TRANK1: variants seen among roughly 807,000 people sequenced by gnomAD.
TRANK1 encodes the protein TPR and ankyrin repeat-containing protein 1.
In TRANK1, 198 loss-of-function variants were observed where a neutral mutation model predicts 266.0. The observed-to-expected ratio is 0.74, with a 90% CI of 0.66 to 0.84. TRANK1 has a LOEUF of 0.84. Ranked by LOEUF, TRANK1 falls within the 40% of genes least tolerant of loss-of-function variation. The pLI is 0.00. For missense variants in TRANK1, 3,326 were observed against 3,634.6 expected (o/e 0.92, Z 2.18); for synonymous variants, 1,396 against 1,384.1 (o/e 1.01, Z -0.19).
intron 10 of TRANK1, among the ~76,000 whole-genome samples, chr3:36,862,258 A>T (rs2079152774): frequency 6.6e-6 from 1 of 152,206 alleles, no homozygotes; most frequent in South Asian, 2.1e-4. Flanking sequence ...GGAAGAGCAG[A>T]AGGGGAGAAA....
At chr3:36,922,625 A>G (rs770104565) in intron 1 of TRANK1, among the ~76,000 whole-genome samples, 22 of 151,724 alleles carry the variant, frequency 1.5e-4, no homozygotes, top group Non-Finnish European at 2.4e-4. Context: ...AATACAAAAA[A>G]CATAGCTGGG....
At chr3:36,828,889 T>C (rs1392238317) in intron 23 of TRANK1, among the ~76,000 whole-genome samples, 1 of 152,220 alleles carries the variant, frequency 6.6e-6, no homozygotes, top group African/African-American at 2.4e-5. Flanking sequence ...GCCAAGTCCC[T>C]TCAAGTTTTC....
At chr3:36,860,376 A>T (rs1306440250) in intron 11 of TRANK1, among the ~76,000 whole-genome samples, 1 of 152,168 alleles carries the variant, frequency 6.6e-6, no homozygotes, top group East Asian at 1.9e-4. Context: ...ATTCAGCAAG[A>T]TGTCTGCACA....
chr3:36,852,043 G>A, intron 14 of TRANK1, 103 bp downstream of exon 14: 1 of 1,382,864 alleles, frequency 7.2e-7, no homozygotes, highest in South Asian at 1.5e-5. Context: ...CTGTGGGACA[G>A]GGACTATTTT....
At chr3:36,923,003 C>G (rs1008511064) in intron 1 of TRANK1, among the ~76,000 whole-genome samples, 9 of 152,158 alleles carry the variant, frequency 5.9e-5, no homozygotes, top group African/African-American at 2.2e-4. Flanking sequence ...TGCTCCTGTG[C>G]AAATAACTTA....
At chr3:36,880,513 T>C (rs4340652) in intron 8 of TRANK1, 1 of 174,930 alleles carries the variant, frequency 5.7e-6, no homozygotes, top group Non-Finnish European at 1.2e-5. Context: ...CTCTGGAGAA[T>C]CTAAATTTTC....
At chr3:36,860,576 G>A (rs1267492871) in intron 11 of TRANK1, among the ~76,000 whole-genome samples, 1 of 152,208 alleles carries the variant, frequency 6.6e-6, no homozygotes, top group Non-Finnish European at 1.5e-5. Context: ...CTAGCCAGAG[G>A]TCAGGAGGAA....
At position 36,893,541 on chromosome 3, in the gene TRANK1, G is replaced by A. The variant is rs1215277435; in HGVS notation, c.553-557C>T. ...TAGCTGGAAATTGGCCATGGTGAGA[G>A]TATTTATACTACCAAAGTTAGCAAA... On this transcript the variant is annotated intron_variant, in intron 5 of 23. Coordinates refer to ENST00000645898, the MANE Select transcript of TRANK1 (RefSeq NM_001329998.2). 3.9e-5 allele frequency among the ~76,000 whole-genome samples: 6 copies of A among 152,160 alleles called. No individual in the cohort carries two copies. The East Asian group carries it at 1.2e-3, about 29-fold the overall frequency.
At chr3:36,906,701 G>A (rs1018840465) in intron 2 of TRANK1, among the ~76,000 whole-genome samples, 1 of 152,250 alleles carries the variant, frequency 6.6e-6, no homozygotes, top group South Asian at 2.1e-4. Flanking sequence ...GGAGCCACAA[G>A]CCAAAGAATA....
At chr3:36,922,107 C>T (rs998352790) in intron 1 of TRANK1, among the ~76,000 whole-genome samples, 6 of 152,250 alleles carry the variant, frequency 3.9e-5, no homozygotes, top group Admixed American at 3.9e-4. Flanking sequence ...GACTATGCCA[C>T]TGCACTCCAG....
intron 1 of TRANK1, among the ~76,000 whole-genome samples, chr3:36,930,394 G>A (rs538517642): frequency 1.2e-4 from 18 of 152,216 alleles, no homozygotes; most frequent in African/African-American, 2.4e-4. Flanking sequence ...AGACTTTCCC[G>A]GTAGGAACTC....
rs746977646 is a variant in TRANK1 at position 36,874,227 on chromosome 3, C to A, written c.977G>T (p.Arg326Leu). The A allele has an allele frequency of 4.6e-6, 7 of 1,536,972 alleles. No individual in the cohort carries two copies. The highest frequency in any genetic ancestry group is 1.4e-5 in the African/African-American group (1 of 72,966). The change falls in exon 9 of 24, where the codon CGG (arginine) becomes CTG (leucine). Residue 326 changes from arginine (R) to leucine (L), a missense_variant. Arg to Leu is a moderately radical substitution (Grantham distance 102). Transcript: ENST00000645898. ...ADPTLLDRQSRSVVDVLKRNK... is the reference protein window; with the variant it reads ...ADPTLLDRQSLSVVDVLKRNK... ...CCTCTTCAGGACATCCACAACAGAC[C>A]GAGACTGTCGATCCAGCAAAGTGGG...
chr3:36,894,843 T>C (rs138460791), intron 5 of TRANK1, among the ~76,000 whole-genome samples: 2 of 152,320 alleles, frequency 1.3e-5, no homozygotes, highest in African/African-American at 2.4e-5. Flanking sequence ...TCTAACCAAA[T>C]TCGTAGCTTG....
chr3:36,871,154 G>A (rs981592442), intron 9 of TRANK1, among the ~76,000 whole-genome samples: 6 of 151,826 alleles, frequency 4.0e-5, no homozygotes, highest in African/African-American at 4.8e-5. Context: ...TTTGGGAGGC[G>A]AAGGTGGGCG....
chr3:36,943,875 T>C (rs757247415), intron 1 of TRANK1, among the ~76,000 whole-genome samples: 19 of 152,100 alleles, frequency 1.2e-4, no homozygotes, highest in Non-Finnish European at 2.6e-4. Context: ...TCTTTCTGCT[T>C]CTTAAATTTT....
At chr3:36,941,712 C>T (rs568643303) in intron 1 of TRANK1, among the ~76,000 whole-genome samples, 19 of 152,328 alleles carry the variant, frequency 1.2e-4, no homozygotes, top group African/African-American at 4.3e-4. Flanking sequence ...TTCTCCCCAT[C>T]GCTGTAACCA....
chr3:36,832,013 AC>A lies in TRANK1; in HGVS notation c.7569del (p.Phe2524SerfsTer16). 1 of 1,614,004 alleles carries A rather than the reference AC, an allele frequency of 6.2e-7. No homozygotes were observed. Among genetic ancestry groups the A allele is most frequent in the Non-Finnish European group, 8.5e-7 (1 of 1,179,906 alleles). The stretch of plus-strand genomic sequence containing the variant: ...ACCTTGGCGAGGTAGGAGAGATGGA[AC>A]CGGAAATCCTGAATGGCTCTTGTCA... ...KDVTRAIQDF[R>X]FHLSYLAKVL... On this transcript the variant is annotated frameshift_variant, in exon 22 of 24. Coordinates refer to ENST00000645898, the MANE Select transcript of TRANK1 (RefSeq NM_001329998.2). LOFTEE classifies it high-confidence loss of function.
intron 1 of TRANK1, among the ~76,000 whole-genome samples, chr3:36,930,448 C>A (rs2080346456): frequency 6.6e-6 from 1 of 152,174 alleles, no homozygotes; most frequent in Non-Finnish European, 1.5e-5. Flanking sequence ...ACCAGCCAAG[C>A]TAGCCCACAC....
intron 22 of TRANK1, 42 bp downstream of exon 22, chr3:36,830,831 A>AG: frequency 6.5e-7 from 1 of 1,530,794 alleles, no homozygotes; most frequent in Non-Finnish European, 8.8e-7. Context: ...CTCAGAGCCC[A>AG]GGTCTCACTC....
Sources: allele counts gnomAD v4.1 joint callset (sites outside exome capture counted in the v4.1 genomes callset), GRCh38; gene constraint gnomAD v4.1.1; transcripts MANE v1.5; gene names NCBI Gene and HGNC (gene_info 2026-07-23, HGNC 2026-07-21).